The following MLXIP variants were observed in gnomAD, a reference collection of about 807,000 sequenced individuals.
The protein encoded by MLXIP is MLX interacting protein.
MLXIP carries 30 observed loss-of-function variants against 87.2 expected under a neutral mutation model. The observed-to-expected ratio is 0.34, with a 90% CI of 0.26 to 0.47. MLXIP has a LOEUF of 0.47. MLXIP is among the 20% of genes least tolerant of loss of function. The pLI is 1.00. For synonymous variants in MLXIP, 530 were observed against 514.0 expected, an observed-to-expected ratio of 1.03 and a Z score of -0.42; for missense variants, 1,002 against 1,240.1, an observed-to-expected ratio of 0.81 and a Z score of 2.88.
chr12:122,141,035 G>A lies in MLXIP; in HGVS notation c.2590G>A (p.Ala864Thr). ...TSSLEELHRTALSWLDQHCSL... is the reference protein window; with the variant it reads ...TSSLEELHRTTLSWLDQHCSL... ...CAGCCTGGAGGAGCTGCACCGGACG[G>A]CGCTCTCCTGGCTGGACCAGCACTG... Residue 864 changes from alanine (A) to threonine (T), a missense_variant, in exon 16 of 17, where the codon GCG becomes ACG. Ala to Thr is a moderately conservative substitution (Grantham distance 58). Coordinates refer to ENST00000319080, the MANE Select transcript of MLXIP (RefSeq NM_014938.6). The A allele has an allele frequency of 1.9e-6, 3 of 1,613,668 alleles. No homozygotes were observed. Among genetic ancestry groups the A allele is most frequent in the Admixed American group, 3.3e-5 (2 of 60,034 alleles).
At chr12:122,097,248 G>A (rs141530226) in intron 1 of MLXIP, among the ~76,000 whole-genome samples, 3 of 152,058 alleles carry the variant, frequency 2.0e-5, no homozygotes, top group Middle Eastern at 3.4e-3. Flanking sequence ...TCACTGCAGC[G>A]TTGAACCCCT....
intron 8 of MLXIP, 200 bp downstream of exon 8, chr12:122,132,583 A>G: frequency 3.5e-6 from 2 of 568,558 alleles, no homozygotes; most frequent in South Asian, 2.2e-5. Flanking sequence ...ATGGGGTGGG[A>G]GACTCTTGGT....
At chr12:122,130,735 A>G (rs1421584198) in intron 6 of MLXIP, 109 bp from the exon 7 acceptor site, 29 of 759,084 alleles carry the variant, frequency 3.8e-5, no homozygotes, top group Non-Finnish European at 4.9e-5. Context: ...GCTCCTTGGA[A>G]GACTCTGGGA....
intron 1 of MLXIP, among the ~76,000 whole-genome samples, chr12:122,118,182 A>AT (rs1565975013): frequency 6.6e-6 from 1 of 152,140 alleles, no homozygotes; most frequent in Admixed American, 6.5e-5. Flanking sequence ...GGACAAAGGG[A>AT]TGAGTCATGT....
chr12:122,113,676 C>A (rs187724168), intron 1 of MLXIP, among the ~76,000 whole-genome samples: 173 of 105,170 alleles, frequency 1.6e-3, no homozygotes, highest in African/African-American at 6.3e-3. Flanking sequence ...TAACTGCCTT[C>A]ATTTCTTTTT....
chr12:122,102,220 T>A (rs536964275), intron 1 of MLXIP, among the ~76,000 whole-genome samples: 37 of 152,260 alleles, frequency 2.4e-4, no homozygotes, highest in African/African-American at 8.9e-4. Flanking sequence ...ATTTAGAATA[T>A]ATAAAGAATT....
chr12:122,125,108 G>A (rs138520432), intron 1 of MLXIP, among the ~76,000 whole-genome samples: 1 of 152,364 alleles, frequency 6.6e-6, no homozygotes, highest in African/African-American at 2.4e-5. Flanking sequence ...AGAGGTTGCC[G>A]TGAGCTGAGG....
At position 122,135,453 on chromosome 12, in the gene MLXIP, G is replaced by C; in HGVS notation, c.1855-36G>C. On this transcript the variant is annotated intron_variant, in intron 10 of 16. Transcript: ENST00000319080. This position sits in a 1 kb window ranked among gnomAD's most constrained non-coding sequence, Gnocchi z 5.3. ...TGGTGTGCCGCCCTGCTGTATATCA[G>C]CAGTCAGGGGTGACCTGTCTCCCAT... is the stretch of plus-strand genomic sequence containing the variant. The C allele has an allele frequency of 6.2e-7, 1 of 1,608,524 alleles. No homozygotes were observed. The highest frequency in any genetic ancestry group is 8.5e-7 in the Non-Finnish European group (1 of 1,177,734).
chr12:122,094,064 C>T (rs1318950817), intron 1 of MLXIP, among the ~76,000 whole-genome samples: 1 of 107,262 alleles, frequency 9.3e-6, no homozygotes, highest in African/African-American at 3.8e-5. Flanking sequence ...GGTGGGTTTG[C>T]GGTGTCTGGT....
rs77644167 is a variant in MLXIP at position 122,137,441 on chromosome 12, G to A, written c.2033-28G>A. The A allele has an allele frequency of 3.6e-3, 5,700 of 1,599,298 alleles. 206 individuals are homozygous for A. In the African/African-American group the frequency reaches 0.069, roughly 19 times the overall value. ...GGTGGCGTTGAGGGGCCAGGCCTCC[G>A]CCCCTCAGAGGAGTCTGTTCTTACC... is the stretch of plus-strand genomic sequence containing the variant. On this transcript the variant is annotated intron_variant, in intron 11 of 16. Transcript: ENST00000319080. This position sits in a 1 kb window ranked among gnomAD's most constrained non-coding sequence, Gnocchi z 4.1.
At chr12:122,106,717 G>A (rs897045868) in intron 1 of MLXIP, among the ~76,000 whole-genome samples, 1 of 146,912 alleles carries the variant, frequency 6.8e-6, no homozygotes, top group South Asian at 2.1e-4. Context: ...TCCTCCTGCC[G>A]TAGCCTCCTG....
chr12:122,119,626 T>A (rs541949916), intron 1 of MLXIP, among the ~76,000 whole-genome samples: 228 of 152,292 alleles, frequency 1.5e-3, no homozygotes, highest in African/African-American at 5.4e-3. Flanking sequence ...CTCCTGACCT[T>A]GTGATCCACC....
rs1281775349 is a variant in MLXIP at position 122,138,513 on chromosome 12, G to C, written c.2346G>C (p.Arg782=). 3 of 1,613,562 alleles carry C rather than the reference G, an allele frequency of 1.9e-6. No individual in the cohort carries two copies. Among genetic ancestry groups the C allele is most frequent in the African/African-American group, 2.7e-5 (2 of 74,932 alleles). The change falls in exon 14 of 17, where the codon CGG becomes CGC. Residue 782 remains arginine, a synonymous_variant. Transcript: ENST00000319080. ...GCCAGATGCAGGAGGAGGCCCGGCGGCTGCGGGAGGAGATCGAGGAGCTCA... is the reference window on the plus strand; with the variant it reads ...GCCAGATGCAGGAGGAGGCCCGGCGCCTGCGGGAGGAGATCGAGGAGCTCA... The part of the protein sequence containing the change: ...ERGQMQEEAR[R]LREEIEELNA...
intron 1 of MLXIP, among the ~76,000 whole-genome samples, chr12:122,092,903 G>A (rs1952267550): frequency 6.7e-6 from 1 of 150,014 alleles, no homozygotes. Flanking sequence ...CCCAGTGTGT[G>A]TGTTGTTGTG....
chr12:122,119,313 A>G (rs969970861), intron 1 of MLXIP, among the ~76,000 whole-genome samples: 20 of 152,176 alleles, frequency 1.3e-4, no homozygotes, highest in African/African-American at 4.8e-4. Flanking sequence ...GGTCTTCCCT[A>G]TGTGTTACCA....
At position 122,129,182 on chromosome 12, in the gene MLXIP, G is replaced by C. The variant is rs766255636; in HGVS notation, c.652G>C (p.Val218Leu). ...GTACTGGAAGAGCCGCATCGAGATT[G>C]TGATCCGGGAGTATCACAAGTGGAG... ...GKYWKSRIEI[V>L]IREYHKWRTY... is the part of the protein sequence containing the mutation. Residue 218 changes from valine (V) to leucine (L), a missense_variant, in exon 4 of 17, where the codon GTG (valine) becomes CTG (leucine). Physicochemically the swap from Val to Leu is conservative, Grantham distance 32. Transcript: ENST00000319080. 1 of 1,611,854 alleles carries C rather than the reference G, an allele frequency of 6.2e-7. No homozygotes were observed. Among genetic ancestry groups the C allele is most frequent in the Non-Finnish European group, 8.5e-7 (1 of 1,179,038 alleles).
At position 122,142,091 on chromosome 12, in the gene MLXIP, G is replaced by A. The variant is rs1953217375; in HGVS notation, c.*279G>A. On this transcript the variant is annotated 3_prime_UTR_variant, in exon 17 of 17. Coordinates refer to ENST00000319080, the MANE Select transcript of MLXIP (RefSeq NM_014938.6). ...GCCCTCGGGGCAGCCCACACAAAAG[G>A]GAAGTGCTGGCCGTGCTGGTCCTGC... 4.3e-6 allele frequency: 3 copies of A among 695,504 alleles called. No homozygotes were observed. The highest frequency in any genetic ancestry group is 1.7e-5 in the African/African-American group (1 of 57,232). 43.1% of individuals were successfully genotyped at this position (695,504 alleles called of 1,614,324 possible). A position where few individuals can be genotyped will look rare whatever the true frequency, so the allele number is the denominator to read the frequency against.
intron 1 of MLXIP, among the ~76,000 whole-genome samples, chr12:122,118,574 G>T (rs548184009): frequency 6.6e-6 from 1 of 150,914 alleles, no homozygotes; most frequent in East Asian, 1.9e-4. Flanking sequence ...CAGGCCGGGC[G>T]CAGTGGCTCA....
At chr12:122,127,531 A>T (rs75935199) in intron 2 of MLXIP, among the ~76,000 whole-genome samples, 169 bp downstream of exon 2, 2,959 of 152,248 alleles carry the variant, frequency 0.019, 102 homozygotes, top group African/African-American at 0.069. Flanking sequence ...GTGGCATCTG[A>T]AGAGTCAGGG....
Sources: gnomAD v4.1 joint callset for allele counts (sites outside exome capture counted in the v4.1 genomes callset) on GRCh38, gnomAD v4.1.1 for gene constraint, Gnocchi (gnomAD v3.1) non-coding constraint, MANE v1.5 for transcripts, NCBI Gene and HGNC (gene_info 2026-07-23, HGNC 2026-07-21) for gene names.